The following ASPG variants were observed in gnomAD, a reference collection of about 807,000 sequenced individuals.
The protein encoded by ASPG is 60 kDa lysophospholipase.
In ASPG, 53 loss-of-function variants were observed where a neutral mutation model predicts 63.2. That is an observed-to-expected ratio of 0.84 (90% confidence interval 0.67 to 1.05). The LOEUF (loss-of-function observed/expected upper bound fraction) is 1.05. Among genes scored for constraint, ASPG ranks in the 50% least tolerant of loss-of-function variants. ASPG has a pLI of 0.00. For missense variants in ASPG, 741 were observed against 794.4 expected, an observed-to-expected ratio of 0.93 and a Z score of 0.81; for synonymous variants, 370 against 355.0, an observed-to-expected ratio of 1.04 and a Z score of -0.48.
chr14:104,085,722 T>TGCGTCCCCGCTGCACACCCC lies in ASPG; in HGVS notation c.-48_-29dup. Reference sequence around the variant, plus strand: ...CGCAGTCCCTGAGTCCCGCAGGCCCTGCGTCCCCGCTGCACACCCCCGTCC... The same window carrying TGCGTCCCCGCTGCACACCCC: ...CGCAGTCCCTGAGTCCCGCAGGCCCTGCGTCCCCGCTGCACACCCCGCGTCCCCGCTGCACACCCCCGTCC... On this transcript the variant is annotated 5_prime_UTR_variant, in exon 1 of 16. Coordinates refer to ENST00000551177, the MANE Select transcript of ASPG (RefSeq NM_001080464.3). 1 of 1,467,140 alleles carries TGCGTCCCCGCTGCACACCCC rather than the reference T, an allele frequency of 6.8e-7. No homozygotes were observed. 90.9% of individuals were successfully genotyped at this position (1,467,140 alleles called of 1,614,324 possible).
intron 11 of ASPG, 131 bp downstream of exon 11, chr14:104,107,025 G>A: frequency 1.5e-6 from 2 of 1,307,818 alleles, no homozygotes; most frequent in Admixed American, 5.0e-5. Flanking sequence ...CTGGGCAGCA[G>A]GACTGTCCTG....
chr14:104,097,676 T>G lies in ASPG; in HGVS notation c.513+39T>G, dbSNP rs747639589. ...GCACGTGGAGGCGGGGCAGGTGGGG[T>G]GGGGGCAGGAGCCCAGACAGCAGCC... On this transcript the variant is annotated intron_variant, in intron 5 of 15. Transcript: ENST00000551177. The G allele has an allele frequency of 6.3e-4, 978 of 1,541,486 alleles. 5 individuals carry two copies. The East Asian group carries it at 0.021, about 33-fold the overall frequency.
Position 104,091,288 on chromosome 14 carries a change from G to A in ASPG, c.83-1345G>A, listed in dbSNP as rs1480787319. 8.6e-5 allele frequency among the ~76,000 whole-genome samples: 13 copies of A among 152,014 alleles called. No homozygotes were observed. Among genetic ancestry groups the A allele is most frequent in the Admixed American group, 8.5e-4 (13 of 15,254 alleles). ...CCAGGGTCTGAGGTTGGGTCCTTGG[G>A]GTTCACAAGGCTGGTGAATCCAGAC... On this transcript the variant is annotated intron_variant, in intron 1 of 15. Coordinates refer to ENST00000551177, the MANE Select transcript of ASPG (RefSeq NM_001080464.3). This position sits in a 1 kb window ranked among gnomAD's most constrained non-coding sequence, Gnocchi z 6.4.
chr14:104,103,722 C>T, intron 7 of ASPG, 47 bp downstream of exon 7: 1 of 1,492,144 alleles, frequency 6.7e-7, no homozygotes. Flanking sequence ...TGAGCCCCAG[C>T]CCTCTGCAGC....
In ASPG at chr14:104,108,603, A is replaced by G. The variant is rs541394940; in HGVS notation, c.1434-626A>G. ...GGGGCACGGCCAGCGATTATGGCAC[A>G]GTCTTTAGGTCACCCTGTACAATGG... On this transcript the variant is annotated intron_variant, in intron 12 of 15. Coordinates refer to ENST00000551177, the MANE Select transcript of ASPG (RefSeq NM_001080464.3). 304 of 985,430 alleles carry G rather than the reference A, an allele frequency of 3.1e-4. 4 individuals carry two copies. The South Asian group carries it at 0.012, about 39-fold the overall frequency. 61.0% of individuals were successfully genotyped at this position (985,430 alleles called of 1,614,324 possible).
rs765098704 is a variant in ASPG, at chr14:104,095,506, G to A, written c.304-25G>A. On this transcript the variant is annotated intron_variant, in intron 3 of 15. Transcript: ENST00000551177. ...ACACCTGCTTGCGAGGGGCTGGCCT[G>A]CCTGAGCATGCGCCCCTCCTGCAGA... 1.2e-5 allele frequency: 19 copies of A among 1,611,794 alleles called. No homozygotes were observed. In the African/African-American group the frequency reaches 2.3e-4, roughly 19 times the overall value.
chr14:104,109,430 C>A lies in ASPG; in HGVS notation c.1520+115C>A. On this transcript the variant is annotated intron_variant, in intron 13 of 15. Transcript: ENST00000551177. This position sits in a 1 kb window ranked among gnomAD's most constrained non-coding sequence, Gnocchi z 4.8. ...GTCAGGGTGTGGGGGCTTTCAGAGG[C>A]GAGGCCCGCTGACCTCAGTGTGCAC... 1 of 1,188,196 alleles carries A rather than the reference C, an allele frequency of 8.4e-7. No individual in the cohort carries two copies. The highest frequency in any genetic ancestry group is 1.5e-5 in the South Asian group (1 of 65,656). 73.6% of individuals were successfully genotyped at this position (1,188,196 alleles called of 1,614,324 possible).
intron 6 of ASPG, 21 bp downstream of exon 6, chr14:104,099,000 G>C (rs1366631253): frequency 6.4e-7 from 1 of 1,568,298 alleles, no homozygotes; most frequent in Non-Finnish European, 8.7e-7. Flanking sequence ...CAGGAGCAGG[G>C]CCAGGTGCCT....
intron 1 of ASPG, among the ~76,000 whole-genome samples, 159 bp downstream of exon 1, chr14:104,086,011 C>T (rs544733667): frequency 1.3e-5 from 2 of 152,250 alleles, no homozygotes; most frequent in South Asian, 4.1e-4. Context: ...CCACCGGCGT[C>T]CCCACGCATG....
chr14:104,088,042 A>G (rs1166906357), intron 1 of ASPG, among the ~76,000 whole-genome samples: 3 of 152,202 alleles, frequency 2.0e-5, no homozygotes, highest in Non-Finnish European at 4.4e-5. Flanking sequence ...AGCTGTTGCT[A>G]GCTGACCCAT....
chr14:104,090,553 C>T (rs28705230), intron 1 of ASPG, among the ~76,000 whole-genome samples: 4,200 of 152,324 alleles, frequency 0.028, 188 homozygotes, highest in African/African-American at 0.096. Context: ...TGACGCTCTG[C>T]GGGAGGAGCC....
At chr14:104,096,886 G>A (rs959807043) in intron 4 of ASPG, among the ~76,000 whole-genome samples, 1 of 152,162 alleles carries the variant, frequency 6.6e-6, no homozygotes, top group African/African-American at 2.4e-5. Flanking sequence ...CTTCCCGGCC[G>A]CCTCCTCCTG....
At chr14:104,111,471 C>T (rs1326487560) in intron 13 of ASPG, 31 bp from the exon 14 acceptor site, 1 of 1,530,930 alleles carries the variant, frequency 6.5e-7, no homozygotes, top group Non-Finnish European at 8.8e-7. Flanking sequence ...CCAGCAGGCC[C>T]CAACAACTCC....
Position 104,112,808 on chromosome 14 carries a change from GGTCACT to G in ASPG, c.*265_*270del, listed in dbSNP as rs2037418020. 6.0e-6 allele frequency: 4 copies of G among 671,638 alleles called. No homozygotes were observed. The Admixed American group carries it at 1.2e-4, about 20-fold the overall frequency. The allele number at this position is 671,638 out of a possible 1,614,324, so 41.6% of individuals were successfully genotyped here. A position where few individuals can be genotyped will look rare whatever the true frequency, so the allele number is the denominator to read the frequency against. On this transcript the variant is annotated 3_prime_UTR_variant, in exon 16 of 16. Coordinates refer to ENST00000551177, the MANE Select transcript of ASPG (RefSeq NM_001080464.3). Reference sequence around the variant, plus strand: ...CCAGGCTCTGTGGGGTCTCTGCGGGGGTCACTTGGCCCATCCTTCCGGGGGCAGCTG... The same window carrying G: ...CCAGGCTCTGTGGGGTCTCTGCGGGGTGGCCCATCCTTCCGGGGGCAGCTG...
intron 5 of ASPG, among the ~76,000 whole-genome samples, chr14:104,097,880 G>A (rs1596079938): frequency 1.4e-5 from 2 of 142,068 alleles, no homozygotes; most frequent in South Asian, 2.3e-4. Context: ...TTAGAGATAC[G>A]TATGGAGGTT....
intron 15 of ASPG, 78 bp from the exon 16 acceptor site, chr14:104,112,446 G>C: frequency 1.2e-6 from 1 of 854,672 alleles, no homozygotes. Context: ...CCGTACAGAC[G>C]GGGTGCCTGG....
At chr14:104,089,145 C>T (rs1268714580) in intron 1 of ASPG, among the ~76,000 whole-genome samples, 4 of 152,034 alleles carry the variant, frequency 2.6e-5, no homozygotes, top group Non-Finnish European at 2.9e-5. Flanking sequence ...CTCAGCCTCC[C>T]GAGTAGCTGG....
At chr14:104,101,977 T>C (rs2036898573) in intron 6 of ASPG, among the ~76,000 whole-genome samples, 1 of 152,136 alleles carries the variant, frequency 6.6e-6, no homozygotes, top group Non-Finnish European at 1.5e-5. Flanking sequence ...CCCTGGCCTC[T>C]AGCAGGCCTG....
intron 15 of ASPG, 29 bp downstream of exon 15, chr14:104,112,029 AC>A (rs1400008995): frequency 5.8e-5 from 90 of 1,539,932 alleles, no homozygotes; most frequent in Non-Finnish European, 7.3e-5. Flanking sequence ...CGGGGCTGAC[AC>A]CCCCCAGTGA....
Sources: gnomAD v4.1 joint callset for allele counts (sites outside exome capture counted in the v4.1 genomes callset) on GRCh38, gnomAD v4.1.1 for gene constraint, Gnocchi (gnomAD v3.1) non-coding constraint, MANE v1.5 for transcripts, NCBI Gene and HGNC (gene_info 2026-07-23, HGNC 2026-07-21) for gene names.